Variants in CFAP299 observed in about 807,000 individuals in gnomAD.
The protein encoded by CFAP299 is cilia- and flagella-associated protein 299.
A neutral mutation model predicts 27.0 loss-of-function variants in CFAP299; 21 were observed. The ratio of observed to expected loss-of-function variants is 0.78; its 90% CI spans 0.55 to 1.12. CFAP299 has a LOEUF of 1.12. Ranked by LOEUF, CFAP299 falls within the 50% of genes most tolerant of loss-of-function variation. The pLI, the probability that CFAP299 is intolerant of heterozygous loss-of-function variation, is 0.00. For missense variants in CFAP299, 310 were observed against 276.6 expected (o/e 1.12, Z -0.86); for synonymous variants, 104 against 98.1 (o/e 1.06, Z -0.36).
intron 3 of CFAP299, among the ~76,000 whole-genome samples, chr4:80,756,080 G>GTAGT (rs1725222064): frequency 6.6e-6 from 1 of 151,892 alleles, no homozygotes; most frequent in African/African-American, 2.4e-5. Context: ...TACATTTTAG[G>GTAGT]TAGTTTTAAT....
intron 2 of CFAP299, among the ~76,000 whole-genome samples, chr4:80,570,087 A>G (rs1336767459): frequency 6.6e-6 from 1 of 152,084 alleles, no homozygotes; most frequent in Admixed American, 6.6e-5. Context: ...ACAGATACAT[A>G]AAAACTGGAA....
intron 3 of CFAP299, among the ~76,000 whole-genome samples, chr4:80,817,472 G>A (rs72881508): frequency 0.071 from 10,805 of 151,684 alleles, 578 homozygotes; most frequent in African/African-American, 0.15. Flanking sequence ...GGTCTTCTAG[G>A]CCCCAAAATA....
chr4:80,531,602 A>G (rs1478276882), intron 2 of CFAP299, among the ~76,000 whole-genome samples: 1 of 152,190 alleles, frequency 6.6e-6, no homozygotes, highest in Non-Finnish European at 1.5e-5. Context: ...ATAGTCACCT[A>G]TTCAATATCC....
intron 3 of CFAP299, among the ~76,000 whole-genome samples, chr4:80,842,240 G>A (rs1730901703): frequency 6.6e-6 from 1 of 152,130 alleles, no homozygotes; most frequent in Non-Finnish European, 1.5e-5. Flanking sequence ...TCTTCTACAG[G>A]TGAACTCAGC....
chr4:80,878,342 G>A (rs997704404), intron 4 of CFAP299, among the ~76,000 whole-genome samples: 3 of 151,852 alleles, frequency 2.0e-5, no homozygotes, highest in Admixed American at 1.3e-4. Context: ...TCTTATCTGT[G>A]TATTTTCTTT....
intron 2 of CFAP299, among the ~76,000 whole-genome samples, chr4:80,365,186 G>C (rs544281690): frequency 4.6e-5 from 7 of 152,074 alleles, no homozygotes; most frequent in African/African-American, 1.4e-4. Context: ...GGCAAACAAT[G>C]GTTGAATAAT....
At chr4:80,766,451 T>C (rs1725867629) in intron 3 of CFAP299, among the ~76,000 whole-genome samples, 1 of 152,202 alleles carries the variant, frequency 6.6e-6, no homozygotes, top group South Asian at 2.1e-4. Context: ...AAATCATTGA[T>C]GATGGCCAAA....
At position 80,619,191 on chromosome 4, in the gene CFAP299, A is replaced by G. The variant is rs149324509; in HGVS notation, c.333+36008A>G. Among the ~76,000 whole-genome samples, 1,372 of 152,330 alleles carry G rather than the reference A, an allele frequency of 9.0e-3. 15 individuals are homozygous for G. The highest frequency in any genetic ancestry group is 0.051 in the South Asian group (246 of 4,834). On this transcript the variant is annotated intron_variant, in intron 3 of 5. Transcript: ENST00000358105. ...GAAACAGTTTACTCCCAAAGTAAGC[A>G]TTCAGGAAAGATTACCACTTTTAAA... is the stretch of plus-strand genomic sequence containing the variant.
intron 4 of CFAP299, among the ~76,000 whole-genome samples, chr4:80,937,031 T>C (rs1158559368): frequency 6.6e-6 from 1 of 152,080 alleles, no homozygotes; most frequent in East Asian, 1.9e-4. Context: ...ATCTATCCAA[T>C]GATATAAGTG....
chr4:80,790,594 A>C (rs1453489147), intron 3 of CFAP299: 1 of 152,014 alleles, frequency 6.6e-6, no homozygotes, highest in Non-Finnish European at 1.5e-5. Flanking sequence ...TCATCAGGTA[A>C]GGATACAGTA....
chr4:80,701,695 T>C (rs557355409), intron 3 of CFAP299, among the ~76,000 whole-genome samples: 28 of 151,932 alleles, frequency 1.8e-4, no homozygotes, highest in Non-Finnish European at 3.8e-4. Context: ...CTTTAAAATC[T>C]CTTGCACTTA....
intron 2 of CFAP299, among the ~76,000 whole-genome samples, chr4:80,366,911 A>G (rs561095607): frequency 2.0e-5 from 3 of 152,340 alleles, no homozygotes; most frequent in Non-Finnish European, 4.4e-5. Context: ...CAACAACATG[A>G]AAAACCTTAA....
chr4:80,706,059 A>C (rs1578042055), intron 3 of CFAP299, among the ~76,000 whole-genome samples: 1 of 151,964 alleles, frequency 6.6e-6, no homozygotes, highest in East Asian at 1.9e-4. Flanking sequence ...CAACCTTCTC[A>C]GATGTGTTGA....
intron 2 of CFAP299, among the ~76,000 whole-genome samples, chr4:80,507,304 A>G (rs1222169388): frequency 6.6e-6 from 1 of 152,170 alleles, no homozygotes; most frequent in African/African-American, 2.4e-5. Context: ...CAGTAGTGAT[A>G]AGAACATTCT....
chr4:80,527,662 A>T (rs1259708581), intron 2 of CFAP299, among the ~76,000 whole-genome samples: 1 of 152,014 alleles, frequency 6.6e-6, no homozygotes, highest in Non-Finnish European at 1.5e-5. Context: ...ATTTCACCGA[A>T]ACTGCATGAC....
chr4:80,552,093 A>AAG lies in CFAP299; in HGVS notation c.243-30999_243-30998insGA, dbSNP rs1482486831. Among the ~76,000 whole-genome samples, 178 of 152,314 alleles carry AAG rather than the reference A, an allele frequency of 1.2e-3. No homozygotes were observed. In the Middle Eastern group the frequency reaches 0.017, roughly 15 times the overall value. Reference sequence around the variant, plus strand: ...TGAAACTATTAATTTATTTAAGATAAAAGCATTCTATGCCTTTGAATTATG... The same window carrying AAG: ...TGAAACTATTAATTTATTTAAGATAAAGAAGCATTCTATGCCTTTGAATTATG... On this transcript the variant is annotated intron_variant, in intron 2 of 5. Transcript: ENST00000358105.
At chr4:80,613,234 G>A (rs1201790364) in intron 3 of CFAP299, among the ~76,000 whole-genome samples, 1 of 152,026 alleles carries the variant, frequency 6.6e-6, no homozygotes, top group Non-Finnish European at 1.5e-5. Context: ...TATTTGGTTT[G>A]TGCAGGAAGT....
At chr4:80,471,465 C>A (rs1370710016) in intron 2 of CFAP299, among the ~76,000 whole-genome samples, 1 of 150,694 alleles carries the variant, frequency 6.6e-6, no homozygotes, top group Non-Finnish European at 1.5e-5. Context: ...AAAGATCTGG[C>A]GGCATTAATT....
At chr4:80,364,089 A>AACACACACAAACACAC (rs1723689711) in intron 2 of CFAP299, among the ~76,000 whole-genome samples, 1 of 110,844 alleles carries the variant, frequency 9.0e-6, no homozygotes, top group Non-Finnish European at 1.8e-5. Flanking sequence ...TCCGTCTCAA[A>AACACACACAAACACAC]ACACACACAC....
Sources: allele counts gnomAD v4.1 joint callset (sites outside exome capture counted in the v4.1 genomes callset), GRCh38; gene constraint gnomAD v4.1.1; transcripts MANE v1.5; gene names NCBI Gene and HGNC (gene_info 2026-07-23, HGNC 2026-07-21).